RIMBP2: variants seen among roughly 807,000 people sequenced by gnomAD.
RIMBP2 encodes the protein RIMS-binding protein 2.
A neutral mutation model predicts 118.6 loss-of-function variants in RIMBP2; 48 were observed. The ratio of observed to expected loss-of-function variants is 0.40; its 90% confidence interval spans 0.32 to 0.51. RIMBP2 has a LOEUF of 0.51. Ranked by LOEUF, RIMBP2 falls within the 20% of genes least tolerant of loss-of-function variation. RIMBP2 has a pLI of 0.41. For synonymous variants in RIMBP2, 762 were observed against 742.9 expected, an observed-to-expected ratio of 1.03 and a Z score of -0.42; for missense variants, 1,551 against 1,768.3, an observed-to-expected ratio of 0.88 and a Z score of 2.20.
At chr12:130,438,334 A>AGGCCCCCCCC in intron 12 of RIMBP2, 31 bp downstream of exon 12, 3 of 1,344,516 alleles carry the variant, frequency 2.2e-6, no homozygotes, top group Non-Finnish European at 3.2e-6. Flanking sequence ...GGGCCTAACA[A>AGGCCCCCCCC]ACCCTCCCCA....
In RIMBP2 at chr12:130,538,052, C is replaced by T. The variant is rs1403580133; in HGVS notation, c.-216-20135G>A. 2.6e-5 allele frequency among the ~76,000 whole-genome samples: 4 copies of T among 152,122 alleles called. No homozygotes were observed. The East Asian group carries it at 5.8e-4, about 22-fold the overall frequency. ...AGCAAAATGCAGGTCAGTAGAACCC[C>T]TCAGTGTGGAAAAAACAAATAGGGC... On this transcript the variant is annotated intron_variant, in intron 2 of 22. Transcript: ENST00000690449.
chr12:130,522,898 C>G (rs1276405307), intron 2 of RIMBP2, among the ~76,000 whole-genome samples: 1 of 152,148 alleles, frequency 6.6e-6, no homozygotes. Context: ...AGATCCTAAT[C>G]CAACAGGGAC....
chr12:130,695,172 C>A (rs926066625), intron 1 of RIMBP2, among the ~76,000 whole-genome samples: 1 of 152,224 alleles, frequency 6.6e-6, no homozygotes, highest in Admixed American at 6.5e-5. Flanking sequence ...GTCAGGCCCA[C>A]ATGCTACATC....
chr12:130,684,902 C>T (rs2064972390), intron 1 of RIMBP2, among the ~76,000 whole-genome samples: 2 of 152,148 alleles, frequency 1.3e-5, no homozygotes, highest in Admixed American at 6.5e-5. Flanking sequence ...CATAAACTTG[C>T]TTTCACTCTG....
chr12:130,675,320 C>T lies in RIMBP2; in HGVS notation c.-352+40902G>A, dbSNP rs75269554. Among the ~76,000 whole-genome samples the T allele has an allele frequency of 9.4e-4, 143 of 152,338 alleles. 1 individual carries two copies. The East Asian group carries it at 0.025, about 26-fold the overall frequency. The stretch of plus-strand genomic sequence containing the variant: ...CCCTCTCTCCTCGTCCTGCTCCACA[C>T]AGCGCCCCGTGGAGCAGGCCTCCCC... On this transcript the variant is annotated intron_variant, in intron 1 of 22. Coordinates refer to ENST00000690449, the MANE Select transcript of RIMBP2 (RefSeq NM_001393629.1).
rs1275261141 is a variant in RIMBP2 at position 130,442,153 on chromosome 12, G to T, written c.1199C>A (p.Thr400Lys). The T allele has an allele frequency of 6.2e-7, 1 of 1,614,042 alleles. No individual in the cohort carries two copies. Among genetic ancestry groups the T allele is most frequent in the Non-Finnish European group, 8.5e-7 (1 of 1,180,032 alleles). Residue 400 changes from threonine to lysine, a missense_variant, in exon 11 of 23, where the codon ACG (threonine) becomes AAG (lysine). Transcript: ENST00000690449. This position sits in a 1 kb window ranked among gnomAD's most constrained non-coding sequence, Gnocchi z 6.9. ...CACCACGTCCTTGCCCACCAGCAGC[G>T]TGCACTGCAGCTCATCCGAGCTGCC... The part of the protein sequence containing the change: ...SRGSSDELQC[T>K]LLVGKDVVVA...
intron 1 of RIMBP2, among the ~76,000 whole-genome samples, chr12:130,647,601 C>G (rs540409143): frequency 2.1e-5 from 3 of 145,092 alleles, no homozygotes; most frequent in African/African-American, 7.4e-5. Flanking sequence ...TCCTGAGGGG[C>G]CTGGAGGAGG....
rs994263781 is a variant in RIMBP2, at chr12:130,576,830, G to T, written c.-217+51492C>A. Among the ~76,000 whole-genome samples the T allele has an allele frequency of 5.3e-5, 8 of 152,354 alleles. No homozygotes were observed. Among genetic ancestry groups the T allele is most frequent in the Middle Eastern group, 3.4e-3 (1 of 294 alleles). ...GATTGCAGGATGGCGTGTTTCCATCGCGTGTCCAGGCGCAGTGCCTGGGAG... is the reference window on the plus strand; with the variant it reads ...GATTGCAGGATGGCGTGTTTCCATCTCGTGTCCAGGCGCAGTGCCTGGGAG... On this transcript the variant is annotated intron_variant, in intron 2 of 22. Transcript: ENST00000690449. This position sits in a 1 kb window ranked among gnomAD's most constrained non-coding sequence, Gnocchi z 4.2.
chr12:130,707,366 AG>A (rs757372257), intron 1 of RIMBP2, among the ~76,000 whole-genome samples: 9 of 152,102 alleles, frequency 5.9e-5, no homozygotes, highest in Non-Finnish European at 1.3e-4. Flanking sequence ...TCCCATGGGG[AG>A]GGAGGGAGGC....
At chr12:130,451,110 G>GA (rs1210185283) in intron 8 of RIMBP2, 85 bp downstream of exon 8, 7 of 1,456,744 alleles carry the variant, frequency 4.8e-6, no homozygotes, top group South Asian at 1.2e-5. Flanking sequence ...AGATGGGGAA[G>GA]AAAAAACAGG....
At chr12:130,704,750 G>A (rs1021292628) in intron 1 of RIMBP2, among the ~76,000 whole-genome samples, 3 of 152,026 alleles carry the variant, frequency 2.0e-5, no homozygotes, top group Non-Finnish European at 4.4e-5. Flanking sequence ...TTCCCAAAGC[G>A]TAGACTGCCA....
chr12:130,614,819 G>C (rs2060797100), intron 2 of RIMBP2, among the ~76,000 whole-genome samples: 1 of 150,862 alleles, frequency 6.6e-6, no homozygotes, highest in Admixed American at 6.6e-5. Flanking sequence ...GCACTTTTGA[G>C]TAAAACAAGT....
At chr12:130,612,805 CG>C (rs2060639162) in intron 2 of RIMBP2, among the ~76,000 whole-genome samples, 1 of 152,136 alleles carries the variant, frequency 6.6e-6, no homozygotes, top group Non-Finnish European at 1.5e-5. Context: ...AGACCCCATC[CG>C]GGTGAAGCAA....
intron 11 of RIMBP2, among the ~76,000 whole-genome samples, chr12:130,439,372 T>G (rs2077841597): frequency 6.7e-6 from 1 of 149,966 alleles, no homozygotes; most frequent in Non-Finnish European, 1.5e-5. Context: ...TATGTGTGTA[T>G]GTGGGTGTGT....
intron 2 of RIMBP2, among the ~76,000 whole-genome samples, chr12:130,518,322 A>G (rs7134446): frequency 0.11 from 16,353 of 152,206 alleles, 1,040 homozygotes; most frequent in Middle Eastern, 0.22. Flanking sequence ...GCCACTCAAA[A>G]ATAAGATAAA....
chr12:130,438,255 G>C, intron 12 of RIMBP2, 110 bp downstream of exon 12: 2 of 1,287,772 alleles, frequency 1.6e-6, no homozygotes, highest in East Asian at 2.4e-5. Flanking sequence ...TGCCTCCAGT[G>C]ATCAGGGCTG....
chr12:130,442,127 C>T lies in RIMBP2; in HGVS notation c.1225G>A (p.Val409Met). Residue 409 changes from valine (V) to methionine (M), a missense_variant, in exon 11 of 23, where the codon GTG becomes ATG. Transcript: ENST00000690449. This position sits in a 1 kb window ranked among gnomAD's most constrained non-coding sequence, Gnocchi z 6.9. The stretch of plus-strand genomic sequence containing the variant: ...TCCACCCGCAGGTGGGAGGGGGCCA[C>T]CACCACGTCCTTGCCCACCAGCAGC... ...CTLLVGKDVV[V>M]APSHLRVDNI... 2 of 1,614,142 alleles carry T rather than the reference C, an allele frequency of 1.2e-6. No individual in the cohort carries two copies. Among genetic ancestry groups the T allele is most frequent in the South Asian group, 1.1e-5 (1 of 91,080 alleles).
intron 13 of RIMBP2, 132 bp downstream of exon 13, chr12:130,436,710 G>A (rs1593287295): frequency 1.6e-6 from 1 of 621,992 alleles, no homozygotes; most frequent in Non-Finnish European, 2.4e-6. Flanking sequence ...CAGCAAAGCG[G>A]TGGGCTGAGC....
chr12:130,472,513 G>A (rs543092907), intron 5 of RIMBP2, among the ~76,000 whole-genome samples: 4 of 152,318 alleles, frequency 2.6e-5, no homozygotes, highest in South Asian at 2.1e-4. Context: ...CTCTTAAAAC[G>A]TGGAACACTA....
Sources: allele counts gnomAD v4.1 joint callset (sites outside exome capture counted in the v4.1 genomes callset), GRCh38; gene constraint gnomAD v4.1.1; non-coding constraint Gnocchi (gnomAD v3.1); transcripts MANE v1.5; gene names NCBI Gene and HGNC (gene_info 2026-07-23, HGNC 2026-07-21).